C12orf42: variants seen among roughly 807,000 people sequenced by gnomAD.
C12orf42 encodes chromosome 12 open reading frame 42.
A neutral mutation model predicts 21.6 loss-of-function variants in C12orf42; 25 were observed. The observed-to-expected ratio is 1.16, with a 90% CI of 0.84 to 1.62. The LOEUF (loss-of-function observed/expected upper bound fraction) is 1.62. Ranked by LOEUF, C12orf42 falls within the 40% of genes most tolerant of loss-of-function variation. C12orf42 has a pLI of 0.00. For synonymous variants in C12orf42, 174 were observed against 175.0 expected (o/e 0.99, Z 0.05); for missense variants, 483 against 459.3 (o/e 1.05, Z -0.47).
chr12:103,448,151 C>T (rs190374855), intron 2 of C12orf42, among the ~76,000 whole-genome samples: 1 of 151,874 alleles, frequency 6.6e-6, no homozygotes, highest in Non-Finnish European at 1.5e-5. Flanking sequence ...TGCTTATAGC[C>T]AACTGACCTT....
At chr12:103,319,696 A>T (rs1358907883) in intron 4 of C12orf42, among the ~76,000 whole-genome samples, 1 of 152,256 alleles carries the variant, frequency 6.6e-6, no homozygotes, top group Non-Finnish European at 1.5e-5. Flanking sequence ...TCTGGCCAAT[A>T]CATCTTCTAA....
chr12:103,398,447 TTTG>T (rs1399336704), intron 3 of C12orf42, among the ~76,000 whole-genome samples: 3 of 152,200 alleles, frequency 2.0e-5, no homozygotes, highest in African/African-American at 4.8e-5. Context: ...TCTCCAAATA[TTTG>T]TTGTTAACTT....
At chr12:103,076,254 A>T in the C12orf42 span, among the ~76,000 whole-genome samples, 7 of 151,766 alleles carry the variant, frequency 4.6e-5, no homozygotes, top group Non-Finnish European at 5.9e-5. Context: ...TAATAAAGAA[A>T]TCAACATGCT....
chr12:103,528,032 A>G, the C12orf42 span, among the ~76,000 whole-genome samples: 1 of 152,178 alleles, frequency 6.6e-6, no homozygotes, highest in African/African-American at 2.4e-5. Flanking sequence ...CTATCCCCAA[A>G]TTGTCAGCTC....
At chr12:103,432,915 T>C (rs890576317) in intron 2 of C12orf42, among the ~76,000 whole-genome samples, 1 of 152,226 alleles carries the variant, frequency 6.6e-6, no homozygotes, top group African/African-American at 2.4e-5. Flanking sequence ...TAAATGTCTG[T>C]TGTTTAAGCC....
chr12:103,214,659 G>A, the C12orf42 span, among the ~76,000 whole-genome samples: 1 of 152,156 alleles, frequency 6.6e-6, no homozygotes, highest in Non-Finnish European at 1.5e-5. Context: ...ATATTTTAGG[G>A]GGAAACATCT....
the C12orf42 span, among the ~76,000 whole-genome samples, chr12:103,085,631 G>T: frequency 3.1e-4 from 47 of 151,894 alleles, no homozygotes; most frequent in Admixed American, 9.2e-4. Context: ...TGAAGAATCT[G>T]ACTCCTTCCT....
At chr12:103,184,578 T>A in the C12orf42 span, among the ~76,000 whole-genome samples, 1 of 152,086 alleles carries the variant, frequency 6.6e-6, no homozygotes, top group Non-Finnish European at 1.5e-5. Flanking sequence ...TATGTAGTGC[T>A]CTGTATATGA....
the C12orf42 span, among the ~76,000 whole-genome samples, chr12:103,153,185 C>G: frequency 2.0e-5 from 3 of 152,138 alleles, no homozygotes. Flanking sequence ...TCCAGATATA[C>G]TGCAGATTTA....
At chr12:103,348,103 C>T (rs2042790693) in intron 4 of C12orf42, among the ~76,000 whole-genome samples, 1 of 152,126 alleles carries the variant, frequency 6.6e-6, no homozygotes, top group Non-Finnish European at 1.5e-5. Flanking sequence ...CACAGCCACT[C>T]CTATGTATTA....
chr12:103,288,005 A>G (rs2036580401), intron 4 of C12orf42, among the ~76,000 whole-genome samples: 1 of 152,174 alleles, frequency 6.6e-6, no homozygotes, highest in African/African-American at 2.4e-5. Flanking sequence ...CTCCCTGATG[A>G]CCAAACAGCG....
At chr12:103,554,477 C>A in the C12orf42 span, among the ~76,000 whole-genome samples, 1 of 152,112 alleles carries the variant, frequency 6.6e-6, no homozygotes, top group Admixed American at 6.5e-5. Context: ...CAGAAGCCAA[C>A]CCTGAGACCA....
At chr12:103,485,155 C>A (rs1003243946) in intron 1 of C12orf42, among the ~76,000 whole-genome samples, 6 of 152,078 alleles carry the variant, frequency 3.9e-5, no homozygotes, top group Non-Finnish European at 8.8e-5. Flanking sequence ...AGGCATGAGC[C>A]ACCGTGCCCG....
At chr12:103,423,627 G>A (rs527927732) in intron 2 of C12orf42, among the ~76,000 whole-genome samples, 1 of 152,198 alleles carries the variant, frequency 6.6e-6, no homozygotes, top group Admixed American at 6.5e-5. Context: ...ATGTTCACTG[G>A]GTAACATTTG....
chr12:103,211,018 T>A, the C12orf42 span, among the ~76,000 whole-genome samples: 1 of 152,266 alleles, frequency 6.6e-6, no homozygotes, highest in South Asian at 2.1e-4. Context: ...CCACCCTTTT[T>A]CCATCTGGAT....
the C12orf42 span, among the ~76,000 whole-genome samples, chr12:103,219,508 C>A: frequency 6.6e-6 from 1 of 152,066 alleles, no homozygotes; most frequent in African/African-American, 2.4e-5. Context: ...TGCAATCTAT[C>A]CATCTGACAA....
At chr12:103,236,085 A>T (rs371073146), downstream of C12orf42, among the ~76,000 whole-genome samples, 26 of 143,258 alleles carry the variant, frequency 1.8e-4, no homozygotes, top group Admixed American at 4.2e-4. Context: ...CAAATGTTTT[A>T]TTTTTTTTCT....
At chr12:103,444,999 A>C (rs974972071) in intron 2 of C12orf42, among the ~76,000 whole-genome samples, 1 of 152,104 alleles carries the variant, frequency 6.6e-6, no homozygotes, top group East Asian at 1.9e-4. Flanking sequence ...ATAAGTAATA[A>C]ACCATAAACA....
At chr12:103,206,876 T>C in the C12orf42 span, among the ~76,000 whole-genome samples, 3 of 152,192 alleles carry the variant, frequency 2.0e-5, no homozygotes. Context: ...TCTTCCCGGC[T>C]AGAACTGCTG....
Sources: allele counts gnomAD v4.1 joint callset (sites outside exome capture counted in the v4.1 genomes callset), GRCh38; gene constraint gnomAD v4.1.1; transcripts MANE v1.5; gene names NCBI Gene and HGNC (gene_info 2026-07-23, HGNC 2026-07-21).